TMEM217B: variants seen among roughly 807,000 people sequenced by gnomAD.
TMEM217B encodes the protein transmembrane protein 217B.
chr6:37,220,033 T>C, the TMEM217B span, among the ~76,000 whole-genome samples: 1 of 151,952 alleles, frequency 6.6e-6, no homozygotes, highest in South Asian at 2.1e-4. Flanking sequence ...AATGTAACAA[T>C]GAGCTAAGTA....
At chr6:37,252,254 A>G in the TMEM217B span, among the ~76,000 whole-genome samples, 1 of 152,236 alleles carries the variant, frequency 6.6e-6, no homozygotes. Flanking sequence ...CATGACATGT[A>G]ACATAAAGTT....
the TMEM217B span, among the ~76,000 whole-genome samples, chr6:37,254,973 A>G: frequency 6.6e-6 from 1 of 152,148 alleles, no homozygotes; most frequent in Non-Finnish European, 1.5e-5. Flanking sequence ...GCAGTTCACA[A>G]TAGGGTTCAA....
the TMEM217B span, among the ~76,000 whole-genome samples, chr6:37,222,855 C>G: frequency 6.6e-6 from 1 of 152,210 alleles, no homozygotes; most frequent in Admixed American, 6.5e-5. Flanking sequence ...AGTGTGTAAC[C>G]CTAGCCGCGC....
At chr6:37,215,160 C>T in the TMEM217B span, 13 of 1,605,614 alleles carry the variant, frequency 8.1e-6, no homozygotes, top group East Asian at 2.2e-5. Context: ...TGCCGCTAGC[C>T]AAGGTCCTCT....
chr6:37,231,658 T>G, the TMEM217B span, among the ~76,000 whole-genome samples: 2 of 133,528 alleles, frequency 1.5e-5, no homozygotes, highest in Admixed American at 8.0e-5. Context: ...GGCGATAGAG[T>G]GAGACTCCAT....
chr6:37,246,487 T>C, the TMEM217B span, among the ~76,000 whole-genome samples: 1 of 152,182 alleles, frequency 6.6e-6, no homozygotes, highest in Non-Finnish European at 1.5e-5. Flanking sequence ...ATATACTCCA[T>C]CTACTCTCAT....
At chr6:37,229,335 GT>G in the TMEM217B span, among the ~76,000 whole-genome samples, 25 of 74,358 alleles carry the variant, frequency 3.4e-4, no homozygotes, top group Non-Finnish European at 5.6e-4. Context: ...GCAACTTTCA[GT>G]TTTTTTTTTT....
chr6:37,244,652 ATG>A, the TMEM217B span, among the ~76,000 whole-genome samples: 3 of 152,258 alleles, frequency 2.0e-5, no homozygotes, highest in Non-Finnish European at 4.4e-5. Context: ...GGAGAATCAT[ATG>A]TGTGTTGGCC....
chr6:37,240,063 G>A, the TMEM217B span, among the ~76,000 whole-genome samples: 4 of 152,146 alleles, frequency 2.6e-5, no homozygotes, highest in Non-Finnish European at 1.5e-5. Flanking sequence ...AAGAAGAGGC[G>A]AGACAGAAAA....
At chr6:37,246,499 C>T in the TMEM217B span, among the ~76,000 whole-genome samples, 1 of 152,160 alleles carries the variant, frequency 6.6e-6, no homozygotes, top group Non-Finnish European at 1.5e-5. Flanking sequence ...TACTCTCATG[C>T]ACTGCAAGAG....
the TMEM217B span, among the ~76,000 whole-genome samples, chr6:37,230,746 C>T: frequency 6.6e-6 from 1 of 152,166 alleles, no homozygotes; most frequent in African/African-American, 2.4e-5. Flanking sequence ...GAAGCCCTAG[C>T]AAACCAATAA....
At chr6:37,215,270 G>A in the TMEM217B span, 5 of 1,613,666 alleles carry the variant, frequency 3.1e-6, no homozygotes, top group Non-Finnish European at 4.2e-6. Flanking sequence ...AGGTAAATAT[G>A]CTAGTGTGGA....
At chr6:37,247,679 G>A in the TMEM217B span, among the ~76,000 whole-genome samples, 2 of 151,986 alleles carry the variant, frequency 1.3e-5, no homozygotes, top group Non-Finnish European at 2.9e-5. Flanking sequence ...AACCCGGCAA[G>A]GGCAAACTAT....
At chr6:37,214,139 A>T in the TMEM217B span, among the ~76,000 whole-genome samples, 1 of 152,218 alleles carries the variant, frequency 6.6e-6, no homozygotes, top group African/African-American at 2.4e-5. Flanking sequence ...TCACCACTTT[A>T]GCCCTTTTTG....
chr6:37,223,363 A>T, the TMEM217B span, among the ~76,000 whole-genome samples: 70 of 152,362 alleles, frequency 4.6e-4, no homozygotes, highest in African/African-American at 1.6e-3. Flanking sequence ...TCTCAAAAGC[A>T]GCCAATGGGC....
chr6:37,230,119 C>G, the TMEM217B span, among the ~76,000 whole-genome samples: 1 of 152,218 alleles, frequency 6.6e-6, no homozygotes, highest in Admixed American at 6.5e-5. Flanking sequence ...CCTGAGCTCT[C>G]AGAGCCAGCA....
At chr6:37,229,637 G>A in the TMEM217B span, among the ~76,000 whole-genome samples, 7 of 152,088 alleles carry the variant, frequency 4.6e-5, no homozygotes, top group South Asian at 4.1e-4. Flanking sequence ...CCACCGCGCC[G>A]GCCAATGTGC....
the TMEM217B span, among the ~76,000 whole-genome samples, chr6:37,232,961 T>C: frequency 6.6e-6 from 1 of 152,188 alleles, no homozygotes; most frequent in Non-Finnish European, 1.5e-5. Flanking sequence ...CACTTTATAC[T>C]CTCTTCTTTG....
chr6:37,229,146 C>G, the TMEM217B span, among the ~76,000 whole-genome samples: 1 of 152,050 alleles, frequency 6.6e-6, no homozygotes, highest in South Asian at 2.1e-4. Flanking sequence ...TTGATAGTTT[C>G]AAGAGGGAGG....
Sources: allele counts gnomAD v4.1 joint callset (sites outside exome capture counted in the v4.1 genomes callset), GRCh38; gene constraint gnomAD v4.1.1; transcripts MANE v1.5; gene names NCBI Gene and HGNC (gene_info 2026-07-23, HGNC 2026-07-21).